ESRRG: variants seen among roughly 807,000 people sequenced by gnomAD.
ESRRG encodes estrogen-related receptor gamma.
In ESRRG, 13 loss-of-function variants were observed where a neutral mutation model predicts 44.0. The observed-to-expected ratio is 0.30, with a 90% CI of 0.19 to 0.47. The LOEUF is 0.47. Ranked by LOEUF, ESRRG falls within the 20% of genes least tolerant of loss-of-function variation. The pLI is 1.00. For missense variants in ESRRG, 395 were observed against 580.6 expected (o/e 0.68, Z 3.29); for synonymous variants, 215 against 214.6 (o/e 1.00, Z -0.02).
chr1:216,922,707 A>G (rs1343467997), intron 2 of ESRRG, among the ~76,000 whole-genome samples: 3 of 152,228 alleles, frequency 2.0e-5, no homozygotes, highest in African/African-American at 7.2e-5. Flanking sequence ...GAGCTGGGAA[A>G]CAAGAAGATA....
chr1:216,605,875 T>G (rs918778138), intron 3 of ESRRG, among the ~76,000 whole-genome samples: 2 of 144,412 alleles, frequency 1.4e-5, no homozygotes, highest in Non-Finnish European at 3.1e-5. Context: ...GAGCTTAAAT[T>G]AAAAAAAAAA....
upstream of ESRRG, among the ~76,000 whole-genome samples, chr1:217,090,933 A>C (rs755934735): frequency 2.4e-4 from 36 of 152,244 alleles, no homozygotes; most frequent in Admixed American, 3.9e-4. Flanking sequence ...TGCAAATATG[A>C]GAATGCATTT....
At chr1:216,838,350 T>C (rs1202172122) in intron 2 of ESRRG, among the ~76,000 whole-genome samples, 1 of 152,188 alleles carries the variant, frequency 6.6e-6, no homozygotes. Context: ...TTGTCTTTAG[T>C]ACATGAAGAT....
rs190191830 is a variant in ESRRG at position 216,828,950 on chromosome 1, T to C, written c.-14+110632A>G. On this transcript the variant is annotated intron_variant, in intron 2 of 7. Transcript: ENST00000359162. Reference sequence around the variant, plus strand: ...TGTCTCAATGCCCCATGGTTAGGGATATCTTATTATGTGCAGCATTACACA... The same window carrying C: ...TGTCTCAATGCCCCATGGTTAGGGACATCTTATTATGTGCAGCATTACACA... Among the ~76,000 whole-genome samples, 4 of 152,306 alleles carry C rather than the reference T, an allele frequency of 2.6e-5. No homozygotes were observed. The East Asian group carries it at 5.8e-4, about 22-fold the overall frequency.
At chr1:216,546,000 TA>T (rs2054383904) in intron 5 of ESRRG, among the ~76,000 whole-genome samples, 1 of 152,212 alleles carries the variant, frequency 6.6e-6, no homozygotes, top group South Asian at 2.1e-4. Flanking sequence ...TATTAATTTA[TA>T]AGATTTGCAA....
intron 3 of ESRRG, among the ~76,000 whole-genome samples, chr1:216,592,287 T>G (rs2057787389): frequency 6.6e-6 from 1 of 152,190 alleles, no homozygotes; most frequent in South Asian, 2.1e-4. Context: ...AATATCTTTA[T>G]TTTTACTTCC....
intron 1 of ESRRG, among the ~76,000 whole-genome samples, chr1:217,025,557 C>A (rs1327235972): frequency 6.6e-6 from 1 of 152,184 alleles, no homozygotes; most frequent in African/African-American, 2.4e-5. Context: ...ATTGAAAACT[C>A]TATTTTAGTC....
At chr1:216,897,109 G>A (rs566691750) in intron 2 of ESRRG, among the ~76,000 whole-genome samples, 2 of 152,264 alleles carry the variant, frequency 1.3e-5, no homozygotes, top group Admixed American at 1.3e-4. Context: ...TTGATCAGCC[G>A]TTGTGAAGAG....
chr1:216,904,354 G>C (rs554065094), intron 2 of ESRRG, among the ~76,000 whole-genome samples: 4 of 152,292 alleles, frequency 2.6e-5, no homozygotes, highest in African/African-American at 9.6e-5. Flanking sequence ...TTCTGCAAGA[G>C]ACAAGTAGTT....
At chr1:216,705,599 G>T (rs2082293424) in intron 1 of ESRRG, among the ~76,000 whole-genome samples, 1 of 152,160 alleles carries the variant, frequency 6.6e-6, no homozygotes, top group South Asian at 2.1e-4. Flanking sequence ...TCATTGGTTT[G>T]TAATCTGCAC....
intron 1 of ESRRG, among the ~76,000 whole-genome samples, chr1:217,099,777 C>T (rs949218285): frequency 6.6e-6 from 1 of 152,166 alleles, no homozygotes; most frequent in Non-Finnish European, 1.5e-5. Context: ...AATAACAATG[C>T]TTTGCATCCA....
intron 2 of ESRRG, among the ~76,000 whole-genome samples, chr1:216,911,911 AAC>A (rs1279630745): frequency 1.3e-5 from 2 of 151,528 alleles, no homozygotes; most frequent in Non-Finnish European, 2.9e-5. Context: ...CTCTATTAAA[AAC>A]ACACAGAAAA....
intron 1 of ESRRG, among the ~76,000 whole-genome samples, chr1:217,040,297 C>T (rs773300232): frequency 2.6e-5 from 4 of 152,152 alleles, no homozygotes; most frequent in Non-Finnish European, 5.9e-5. Flanking sequence ...TCTGTCTCTT[C>T]TGTGGCTTTG....
chr1:217,027,734 A>G (rs2081438234), intron 1 of ESRRG, among the ~76,000 whole-genome samples: 1 of 152,196 alleles, frequency 6.6e-6, no homozygotes, highest in Non-Finnish European at 1.5e-5. Flanking sequence ...CACAGGAGGT[A>G]AAGCTTGGGT....
chr1:217,023,694 G>A lies in ESRRG; in HGVS notation c.-106+65813C>T, dbSNP rs183074175. 2.2e-4 allele frequency among the ~76,000 whole-genome samples: 33 copies of A among 152,208 alleles called. No homozygotes were observed. In the East Asian group the frequency reaches 6.4e-3, roughly 29 times the overall value. On this transcript the variant is annotated intron_variant, in intron 1 of 7. Coordinates refer to the ESRRG transcript ENST00000359162. ...AATCACAAGGGTGTGGATTTCCTTG[G>A]CGTGTCTCTGTCACAGAATGATTTG...
At chr1:216,868,549 A>G (rs2096210522) in intron 2 of ESRRG, among the ~76,000 whole-genome samples, 1 of 152,136 alleles carries the variant, frequency 6.6e-6, no homozygotes, top group African/African-American at 2.4e-5. Flanking sequence ...TTTTTATGTG[A>G]TCATCCATTT....
chr1:216,621,108 T>A (rs2150473936), intron 3 of ESRRG, among the ~76,000 whole-genome samples: 1 of 152,324 alleles, frequency 6.6e-6, no homozygotes, highest in African/African-American at 2.4e-5. Flanking sequence ...AGTAGAAGCT[T>A]AATGTAAGTG....
intron 1 of ESRRG, among the ~76,000 whole-genome samples, chr1:216,995,244 T>C (rs139973675): frequency 1.2e-3 from 180 of 152,298 alleles, no homozygotes; most frequent in Middle Eastern, 6.8e-3. Context: ...ATTTGCATTA[T>C]CACCACCTTA....
intron 1 of ESRRG, among the ~76,000 whole-genome samples, chr1:216,978,227 C>G (rs778225082): frequency 3.3e-5 from 5 of 152,036 alleles, no homozygotes; most frequent in Non-Finnish European, 7.4e-5. Flanking sequence ...CAATGCCTAC[C>G]TTTTTAAAAA....
Sources: allele counts gnomAD v4.1 joint callset (sites outside exome capture counted in the v4.1 genomes callset), GRCh38; gene constraint gnomAD v4.1.1; transcripts MANE v1.5; gene names NCBI Gene and HGNC (gene_info 2026-07-23, HGNC 2026-07-21).